The following ANKRD20A1 variants were observed in gnomAD, a reference collection of about 807,000 sequenced individuals.
ANKRD20A1 encodes ankyrin repeat domain 20 family member A1.
Under a neutral mutation model 50.9 loss-of-function variants are expected in ANKRD20A1, and 2 were observed. The observed-to-expected ratio is 0.04, with a 90% confidence interval of 0.02 to 0.12. The LOEUF is 0.12. Among genes scored for constraint, ANKRD20A1 ranks in the 10% least tolerant of loss-of-function variants. The pLI is 1.00. For synonymous variants in ANKRD20A1, 10 were observed against 186.2 expected, an observed-to-expected ratio of 0.05 and a Z score of 7.70; for missense variants, 31 against 548.1, an observed-to-expected ratio of 0.06 and a Z score of 9.42.
rs1295394523 is a variant in ANKRD20A1 at position 67,897,102 on chromosome 9, G to A, written c.1153-457G>A. On this transcript the variant is annotated intron_variant, in intron 12 of 14. Transcript: ENST00000562196. ...AAAAGAGTAGCTCAGTACAGAAAAG[G>A]GAAAACTTCTTTACTGTTCCCGAAG... Among the ~76,000 whole-genome samples the A allele has an allele frequency of 2.3e-5, 2 of 88,498 alleles. 1 individual carries two copies. Among genetic ancestry groups the A allele is most frequent in the African/African-American group, 6.8e-5 (2 of 29,552 alleles). 58.1% of individuals were successfully genotyped at this position (88,498 alleles called of 152,430 possible).
chr9:67,900,135 G>A (rs1265900967), intron 14 of ANKRD20A1, among the ~76,000 whole-genome samples: 1 of 4,510 alleles, frequency 2.2e-4, no homozygotes, highest in African/African-American at 4.6e-4. Context: ...GTATCAAAGT[G>A]TAAATGCAAT....
At position 67,885,464 on chromosome 9, in the gene ANKRD20A1, T is replaced by C. The variant is rs1447883063; in HGVS notation, c.979+894T>C. Reference sequence around the variant, plus strand: ...AAAAATGGTCAGCCATGTATGGCTATAATTTGTTTTTATAGAAAATGTTGT... The same window carrying C: ...AAAAATGGTCAGCCATGTATGGCTACAATTTGTTTTTATAGAAAATGTTGT... On this transcript the variant is annotated intron_variant, in intron 9 of 14. Transcript: ENST00000562196. Among the ~76,000 whole-genome samples, 11 of 152,426 alleles carry C rather than the reference T, an allele frequency of 7.2e-5. No homozygotes were observed. The East Asian group carries it at 1.3e-3, about 19-fold the overall frequency.
chr9:67,882,646 T>A (rs1260912892), intron 8 of ANKRD20A1, among the ~76,000 whole-genome samples: 2 of 143,176 alleles, frequency 1.4e-5, no homozygotes, highest in African/African-American at 5.0e-5. Context: ...TTACTCTTTA[T>A]TATTCTTATA....
At chr9:67,882,778 C>T (rs1462492384) in intron 8 of ANKRD20A1, among the ~76,000 whole-genome samples, 1 of 146,578 alleles carries the variant, frequency 6.8e-6, no homozygotes, top group Non-Finnish European at 1.5e-5. Context: ...CTAATGCTAT[C>T]CCTCCCCCCT....
At chr9:67,864,675 A>C (rs1333063311) in intron 3 of ANKRD20A1, among the ~76,000 whole-genome samples, 1 of 44,500 alleles carries the variant, frequency 2.2e-5, no homozygotes, top group Admixed American at 1.7e-4. Flanking sequence ...AAAAAAAAAA[A>C]CCCCAAAAAA....
chr9:67,864,694 C>T lies in ANKRD20A1; in HGVS notation c.492+1303C>T, dbSNP rs1191006002. On this transcript the variant is annotated intron_variant, in intron 3 of 14. Coordinates refer to ENST00000562196, the MANE Select transcript of ANKRD20A1 (RefSeq NM_032250.5). The stretch of plus-strand genomic sequence containing the variant: ...AAAAAAACCCCAAAAAAACAAAAAA[C>T]CTTCAAGGTTGGGATACACTCTTGA... Among the ~76,000 whole-genome samples, 3 of 42,768 alleles carry T rather than the reference C, an allele frequency of 7.0e-5. 1 individual carries two copies. The highest frequency in any genetic ancestry group is 1.4e-4 in the Non-Finnish European group (3 of 21,796). 28.1% of individuals were successfully genotyped at this position (42,768 alleles called of 152,430 possible).
intron 6 of ANKRD20A1, among the ~76,000 whole-genome samples, chr9:67,876,354 TG>T (rs1827727211): frequency 1.2e-5 from 1 of 81,124 alleles, no homozygotes; most frequent in Non-Finnish European, 2.7e-5. Context: ...GGGCAAGCAC[TG>T]GAACATTCTG....
chr9:67,871,312 A>G (rs1827641941), intron 6 of ANKRD20A1, 100 bp downstream of exon 6: 7 of 509,498 alleles, frequency 1.4e-5, no homozygotes, highest in South Asian at 1.4e-4. Flanking sequence ...TTCAGTCAAA[A>G]AAGACCAGTT....
At chr9:67,881,972 A>T (rs1827806444) in intron 8 of ANKRD20A1, among the ~76,000 whole-genome samples, 1 of 135,532 alleles carries the variant, frequency 7.4e-6, no homozygotes, top group Non-Finnish European at 1.6e-5. Flanking sequence ...TCTTCCATGT[A>T]AGAAGCATTT....
intron 8 of ANKRD20A1, among the ~76,000 whole-genome samples, chr9:67,881,617 C>T (rs1375459969): frequency 1.3e-5 from 2 of 151,678 alleles, no homozygotes; most frequent in African/African-American, 2.4e-5. Flanking sequence ...AAACCAAAAC[C>T]AAAACAAAAC....
chr9:67,890,612 G>A (rs1276452083), intron 11 of ANKRD20A1, among the ~76,000 whole-genome samples: 9 of 152,060 alleles, frequency 5.9e-5, no homozygotes, highest in African/African-American at 1.9e-4. Flanking sequence ...GGATAATCAT[G>A]CACTATGAGT....
In ANKRD20A1 at chr9:67,872,309, G is replaced by T. The variant is rs28396643; in HGVS notation, c.793+1097G>T. The stretch of plus-strand genomic sequence containing the variant: ...AGTTATATTACATATTCGTACACAA[G>T]CAAAATGATTTTATCTGTCATAGTT... On this transcript the variant is annotated intron_variant, in intron 6 of 14. Coordinates refer to ENST00000562196, the MANE Select transcript of ANKRD20A1 (RefSeq NM_032250.5). Among the ~76,000 whole-genome samples the T allele has an allele frequency of 3.0e-3, 392 of 131,836 alleles. 53 individuals carry two copies. The highest frequency in any genetic ancestry group is 0.01 in the African/African-American group (357 of 35,554). 86.5% of individuals were successfully genotyped at this position (131,836 alleles called of 152,430 possible). A position where few individuals can be genotyped will look rare whatever the true frequency, so the allele number is the denominator to read the frequency against.
Position 67,884,815 on chromosome 9 carries a change from G to A in ANKRD20A1, c.979+245G>A, listed in dbSNP as rs867854351. 5.5e-3 allele frequency among the ~76,000 whole-genome samples: 820 copies of A among 150,434 alleles called. 1 individual carries two copies. The highest frequency in any genetic ancestry group is 0.018 in the African/African-American group (741 of 40,594). ...TGAGGCAGGAGAATGGCTTGAACCC[G>A]GGAGGCGGGGCTTGCAGTGAGCGGA... On this transcript the variant is annotated intron_variant, in intron 9 of 14. Coordinates refer to ENST00000562196, the MANE Select transcript of ANKRD20A1 (RefSeq NM_032250.5).
intron 8 of ANKRD20A1, among the ~76,000 whole-genome samples, chr9:67,882,721 T>C (rs1371452332): frequency 3.7e-5 from 5 of 134,900 alleles, no homozygotes; most frequent in Non-Finnish European, 8.0e-5. Context: ...ACGTGCCATG[T>C]TGGTGTGCTG....
intron 4 of ANKRD20A1, among the ~76,000 whole-genome samples, chr9:67,867,639 A>G (rs1827595219): frequency 2.0e-5 from 3 of 151,702 alleles, no homozygotes; most frequent in South Asian, 2.1e-4. Context: ...TTTATTAGCT[A>G]AAGGGTTTTG....
chr9:67,896,265 TC>T (rs1827999590), intron 12 of ANKRD20A1, among the ~76,000 whole-genome samples: 1 of 65,026 alleles, frequency 1.5e-5, no homozygotes, highest in Non-Finnish European at 3.3e-5. Context: ...CAACGAATAT[TC>T]CCAGCCAAAT....
intron 13 of ANKRD20A1, among the ~76,000 whole-genome samples, chr9:67,898,401 A>C (rs1437306494): frequency 1.4e-5 from 2 of 138,832 alleles, no homozygotes; most frequent in Non-Finnish European, 3.2e-5. Context: ...CATCCCTTTA[A>C]CTCAACAACT....
chr9:67,881,143 G>A (rs866451625), intron 8 of ANKRD20A1, among the ~76,000 whole-genome samples: 6 of 150,644 alleles, frequency 4.0e-5, no homozygotes, highest in South Asian at 4.2e-4. Flanking sequence ...ACTGAGTGTG[G>A]TGGTGTACAC....
At chr9:67,884,260 A>T (rs1279364360) in intron 8 of ANKRD20A1, among the ~76,000 whole-genome samples, 1 of 149,886 alleles carries the variant, frequency 6.7e-6, no homozygotes, top group African/African-American at 2.4e-5. Context: ...AAACATTAGC[A>T]TGGCATGATG....
Sources: allele counts gnomAD v4.1 joint callset (sites outside exome capture counted in the v4.1 genomes callset), GRCh38; gene constraint gnomAD v4.1.1; transcripts MANE v1.5; gene names NCBI Gene and HGNC (gene_info 2026-07-23, HGNC 2026-07-21).